GRM7: variants seen among roughly 807,000 people sequenced by gnomAD.
The protein encoded by GRM7 is metabotropic glutamate receptor 7.
A neutral mutation model predicts 84.5 loss-of-function variants in GRM7; 35 were observed. The observed-to-expected ratio is 0.41, with a 90% confidence interval of 0.32 to 0.55. The LOEUF (loss-of-function observed/expected upper bound fraction) is 0.55. GRM7 is among the 20% of genes least tolerant of loss of function. The pLI is 0.19. For missense variants in GRM7, 1,003 were observed against 1,194.6 expected, an observed-to-expected ratio of 0.84 and a Z score of 2.36; for synonymous variants, 487 against 455.1, an observed-to-expected ratio of 1.07 and a Z score of -0.89.
chr3:7,041,241 G>C (rs75613505), intron 1 of GRM7, among the ~76,000 whole-genome samples: 2 of 152,174 alleles, frequency 1.3e-5, no homozygotes, highest in Non-Finnish European at 2.9e-5. Flanking sequence ...AAGATAACAA[G>C]CATATCATCA....
chr3:6,864,649 T>G (rs1199565778), intron 1 of GRM7, among the ~76,000 whole-genome samples: 1 of 152,202 alleles, frequency 6.6e-6, no homozygotes, highest in Non-Finnish European at 1.5e-5. Context: ...GCAGGTTGCT[T>G]TAGGGACCAT....
intron 1 of GRM7, among the ~76,000 whole-genome samples, chr3:7,070,142 A>G (rs1329987183): frequency 2.6e-5 from 4 of 152,076 alleles, no homozygotes; most frequent in Non-Finnish European, 5.9e-5. Context: ...AATGAAATGG[A>G]TAATTATCAG....
At chr3:7,091,577 T>G (rs1251656689) in intron 1 of GRM7, among the ~76,000 whole-genome samples, 1 of 151,668 alleles carries the variant, frequency 6.6e-6, no homozygotes, top group Non-Finnish European at 1.5e-5. Context: ...CCTTCCAGAG[T>G]CCCATTATCT....
In GRM7 at chr3:6,863,092, A is replaced by G. The variant is rs144768428; in HGVS notation, c.519+1185A>G. ...CCTCTGTGTCTTTCCCTATATGTGC[A>G]TCACTCTCTCTTTCTGTCTCTGTCT... On this transcript the variant is annotated intron_variant, in intron 1 of 9. Transcript: ENST00000357716. The surrounding 1 kb of genome is among the most constrained non-coding windows in gnomAD (Gnocchi z 4.8). 1 of 401,162 alleles carries G rather than the reference A, an allele frequency of 2.5e-6. No individual in the cohort carries two copies. The highest frequency in any genetic ancestry group is 2.2e-5 in the African/African-American group (1 of 45,956). 24.9% of individuals were successfully genotyped at this position (401,162 alleles called of 1,614,324 possible).
intron 5 of GRM7, among the ~76,000 whole-genome samples, chr3:7,436,565 T>C (rs1697064715): frequency 6.6e-6 from 1 of 152,204 alleles, no homozygotes; most frequent in Admixed American, 6.5e-5. Flanking sequence ...CAAATTTTCC[T>C]GTTTTCATTA....
At chr3:7,487,095 G>T (rs1699349822) in intron 7 of GRM7, among the ~76,000 whole-genome samples, 2 of 152,146 alleles carry the variant, frequency 1.3e-5, no homozygotes, top group African/African-American at 2.4e-5. Context: ...TGGCACCATT[G>T]CCTCCCTGTC....
intron 9 of GRM7, among the ~76,000 whole-genome samples, chr3:7,731,178 T>C (rs1414573665): frequency 6.6e-6 from 1 of 151,904 alleles, no homozygotes; most frequent in Non-Finnish European, 1.5e-5. Flanking sequence ...GTTTTGGCCA[T>C]GTTTAGATGC....
chr3:7,517,213 T>G (rs1410262404), intron 7 of GRM7, among the ~76,000 whole-genome samples: 1 of 152,136 alleles, frequency 6.6e-6, no homozygotes, highest in Non-Finnish European at 1.5e-5. Flanking sequence ...TGCAGAGAAG[T>G]TTTGGTCATT....
At chr3:7,646,567 T>C (rs1171631893) in intron 8 of GRM7, among the ~76,000 whole-genome samples, 2 of 152,154 alleles carry the variant, frequency 1.3e-5, no homozygotes, top group East Asian at 3.9e-4. Flanking sequence ...TGATGGTCCT[T>C]GTTAGTGCCA....
chr3:6,937,128 C>T lies in GRM7; in HGVS notation c.519+75221C>T, dbSNP rs559735642. Reference sequence around the variant, plus strand: ...CTGCCAAACTTTCATAGCAGGAATTCGAAAAGTCTCTCCTGTAACACAAGA... The same window carrying T: ...CTGCCAAACTTTCATAGCAGGAATTTGAAAAGTCTCTCCTGTAACACAAGA... On this transcript the variant is annotated intron_variant, in intron 1 of 9. Transcript: ENST00000357716. Among the ~76,000 whole-genome samples, 407 of 152,256 alleles carry T rather than the reference C, an allele frequency of 2.7e-3. 2 individuals are homozygous for T. The highest frequency in any genetic ancestry group is 0.01 in the Middle Eastern group (3 of 294).
chr3:7,467,385 C>T (rs377279709), intron 7 of GRM7, among the ~76,000 whole-genome samples: 14 of 152,270 alleles, frequency 9.2e-5, no homozygotes, highest in Middle Eastern at 3.4e-3. Flanking sequence ...CCACGCCGGG[C>T]GCCAAGTTTT....
intron 5 of GRM7, among the ~76,000 whole-genome samples, chr3:7,419,008 C>T (rs529142906): frequency 6.6e-6 from 1 of 152,250 alleles, no homozygotes; most frequent in East Asian, 1.9e-4. Context: ...TTTACTAGCA[C>T]ATAGTCGTAG....
At chr3:7,500,682 C>T (rs1177152966) in intron 7 of GRM7, among the ~76,000 whole-genome samples, 1 of 152,226 alleles carries the variant, frequency 6.6e-6, no homozygotes, top group Non-Finnish European at 1.5e-5. Flanking sequence ...TCCCTCAGCC[C>T]CTTGGGCAGA....
At chr3:7,291,756 C>G (rs543073921) in intron 2 of GRM7, among the ~76,000 whole-genome samples, 2 of 152,208 alleles carry the variant, frequency 1.3e-5, no homozygotes, top group South Asian at 4.2e-4. Flanking sequence ...ACCCTAAAAC[C>G]AGAAATCTAT....
Position 7,578,693 on chromosome 3 carries a change from T to C in GRM7, c.1787T>C (p.Phe596Ser). 6.2e-7 allele frequency: 1 copy of C among 1,614,148 alleles called. No individual in the cohort carries two copies. Among genetic ancestry groups the C allele is most frequent in the Non-Finnish European group, 8.5e-7 (1 of 1,180,024 alleles). The stretch of plus-strand genomic sequence containing the variant: ...TCCCCCTGGGCTGTGATTCCTGTCT[T>C]CCTGGCAATGTTGGGGATCATTGCC... ...WHSPWAVIPV[F>S]LAMLGIIATI... Residue 596 changes from phenylalanine (F) to serine (S), a missense_variant, in exon 8 of 10, where the codon TTC becomes TCC. Coordinates refer to ENST00000357716, the MANE Select transcript of GRM7 (RefSeq NM_000844.4).
chr3:7,011,457 A>AT (rs1336415081), intron 1 of GRM7, among the ~76,000 whole-genome samples: 30 of 152,160 alleles, frequency 2.0e-4, no homozygotes, highest in Admixed American at 2.0e-3. Context: ...TTAAATGAGC[A>AT]TTTTATGCCT....
At chr3:6,903,977 AT>A (rs1696481427) in intron 1 of GRM7, among the ~76,000 whole-genome samples, 1 of 152,010 alleles carries the variant, frequency 6.6e-6, no homozygotes, top group South Asian at 2.1e-4. Context: ...ATGTGTTTTC[AT>A]TTAGATTTGT....
intron 1 of GRM7, among the ~76,000 whole-genome samples, chr3:7,016,223 G>C (rs1034501010): frequency 3.3e-5 from 5 of 152,146 alleles, no homozygotes; most frequent in Admixed American, 2.0e-4. Context: ...AACTGAAAAA[G>C]TGTTACCAAA....
intron 9 of GRM7, among the ~76,000 whole-genome samples, chr3:7,698,067 C>T (rs191582242): frequency 3.0e-4 from 46 of 152,292 alleles, no homozygotes; most frequent in Non-Finnish European, 4.9e-4. Context: ...TAGAGCAAGC[C>T]GTAGCTCCTC....
Sources: allele counts gnomAD v4.1 joint callset (sites outside exome capture counted in the v4.1 genomes callset), GRCh38; gene constraint gnomAD v4.1.1; non-coding constraint Gnocchi (gnomAD v3.1); transcripts MANE v1.5; gene names NCBI Gene and HGNC (gene_info 2026-07-23, HGNC 2026-07-21).